DDAH1: variants seen among roughly 807,000 people sequenced by gnomAD.
The protein encoded by DDAH1 is N(G),N(G)-dimethylarginine dimethylaminohydrolase 1.
In DDAH1, 19 loss-of-function variants were observed where a neutral mutation model predicts 28.8. The observed-to-expected ratio is 0.66, with a 90% CI of 0.46 to 0.97. The LOEUF (loss-of-function observed/expected upper bound fraction) is 0.97, where lower values mean the gene tolerates loss of function less well. Ranked by LOEUF, DDAH1 falls within the 50% of genes least tolerant of loss-of-function variation. The pLI is 0.00. For synonymous variants in DDAH1, 153 were observed against 154.4 expected, an observed-to-expected ratio of 0.99 and a Z score of 0.07; for missense variants, 326 against 375.9, an observed-to-expected ratio of 0.87 and a Z score of 1.10.
intron 2 of DDAH1, among the ~76,000 whole-genome samples, chr1:85,492,533 T>C (rs1656443091): frequency 6.6e-6 from 1 of 152,184 alleles, no homozygotes; most frequent in Non-Finnish European, 1.5e-5. Flanking sequence ...GAGAACTAGA[T>C]CTCACTTCTC....
chr1:85,538,628 G>GA (rs3058936), intron 1 of DDAH1, among the ~76,000 whole-genome samples: 8 of 150,406 alleles, frequency 5.3e-5, no homozygotes, highest in East Asian at 2.0e-4. Context: ...GCAAGAGAGG[G>GA]AAAAAAAAAA....
intron 4 of DDAH1, among the ~76,000 whole-genome samples, chr1:85,338,698 A>C (rs938433645): frequency 2.0e-5 from 3 of 152,072 alleles, no homozygotes; most frequent in Non-Finnish European, 4.4e-5. Flanking sequence ...ACTGTGTGTG[A>C]TTCTTGGGTA....
chr1:85,508,438 C>T (rs769550624), intron 1 of DDAH1, among the ~76,000 whole-genome samples: 8 of 152,202 alleles, frequency 5.3e-5, no homozygotes, highest in Non-Finnish European at 8.8e-5. Flanking sequence ...TTTCCAACTG[C>T]AGTACCTGGT....
intron 1 of DDAH1, among the ~76,000 whole-genome samples, chr1:85,412,679 C>G (rs1182220507): frequency 6.6e-6 from 1 of 152,112 alleles, no homozygotes; most frequent in African/African-American, 2.4e-5. Context: ...GAGAACTGGT[C>G]TAAAGAACAG....
chr1:85,479,614 G>A (rs886947801), intron 2 of DDAH1, among the ~76,000 whole-genome samples: 1 of 152,230 alleles, frequency 6.6e-6, no homozygotes, highest in Non-Finnish European at 1.5e-5. Flanking sequence ...CAATCTGAAA[G>A]TAGAGTGGTT....
At position 85,373,613 on chromosome 1, in the gene DDAH1, A is replaced by G. The variant is rs1450306612; in HGVS notation, c.304-14766T>C. Among the ~76,000 whole-genome samples, 4 of 152,226 alleles carry G rather than the reference A, an allele frequency of 2.6e-5. No homozygotes were observed. In the East Asian group the frequency reaches 7.7e-4, roughly 29 times the overall value. On this transcript the variant is annotated intron_variant, in intron 1 of 5. Coordinates refer to ENST00000284031, the MANE Select transcript of DDAH1 (RefSeq NM_012137.4). ...CTCCTTAGCCTTCTGCCATGATTTC[A>G]AATTGCCTGAGACCTCCCCAGTCAT...
At chr1:85,547,143 T>C (rs1658649961) in intron 1 of DDAH1, among the ~76,000 whole-genome samples, 1 of 152,004 alleles carries the variant, frequency 6.6e-6, no homozygotes, top group African/African-American at 2.4e-5. Flanking sequence ...CTGGTAGGAG[T>C]ACTGGAACCA....
rs1024175781 is a variant in DDAH1, at chr1:85,320,424, G to C, written c.*1028C>G. Reference sequence around the variant, plus strand: ...TATTTTCAGACATGATGTCTCTTTTGAAAGAAATGACTTTGCTGGACTAGG... The same window carrying C: ...TATTTTCAGACATGATGTCTCTTTTCAAAGAAATGACTTTGCTGGACTAGG... On this transcript the variant is annotated 3_prime_UTR_variant, in exon 6 of 6. Coordinates refer to ENST00000284031, the MANE Select transcript of DDAH1 (RefSeq NM_012137.4). 6.6e-5 allele frequency: 10 copies of C among 152,218 alleles called. No homozygotes were observed. Among genetic ancestry groups the C allele is most frequent in the Non-Finnish European group, 1.3e-4 (9 of 67,990 alleles). The allele number at this position is 152,218 out of a possible 1,614,324, so 9.4% of individuals were successfully genotyped here.
chr1:85,385,118 C>G (rs895286222), intron 1 of DDAH1, among the ~76,000 whole-genome samples: 4 of 152,208 alleles, frequency 2.6e-5, no homozygotes, highest in Non-Finnish European at 5.9e-5. Flanking sequence ...ACTGCTGATT[C>G]TTTTCCTCTT....
Position 85,560,675 on chromosome 1 carries a change from T to C in DDAH1, c.-123+17309A>G, listed in dbSNP as rs574405951. 3.9e-5 allele frequency among the ~76,000 whole-genome samples: 6 copies of C among 152,160 alleles called. No homozygotes were observed. In the South Asian group the frequency reaches 1.2e-3, roughly 32 times the overall value. ...AAAAAAATAAGTAGCATTAGAATGA[T>C]TTTAACATTGGAAGTATATAGAAAA... On this transcript the variant is annotated intron_variant, in intron 1 of 6. Transcript: ENST00000426972.
intron 1 of DDAH1, among the ~76,000 whole-genome samples, chr1:85,418,915 C>G (rs1344991890): frequency 1.3e-5 from 2 of 152,142 alleles, no homozygotes; most frequent in Non-Finnish European, 2.9e-5. Context: ...AACTTGGCTC[C>G]CTCTATGCCC....
At chr1:85,469,531 G>C (rs558503739), upstream of DDAH1, among the ~76,000 whole-genome samples, 4 of 152,320 alleles carry the variant, frequency 2.6e-5, no homozygotes, top group African/African-American at 9.6e-5. Flanking sequence ...AAAGTAACTA[G>C]AGCCTAATAG....
intron 1 of DDAH1, among the ~76,000 whole-genome samples, chr1:85,548,424 A>C (rs1658690353): frequency 6.6e-6 from 1 of 152,210 alleles, no homozygotes; most frequent in Non-Finnish European, 1.5e-5. Context: ...ACCCAGCATT[A>C]GGTCACTTTT....
chr1:85,489,708 G>A lies in DDAH1; in HGVS notation c.-7+6458C>T, dbSNP rs575814740. On this transcript the variant is annotated intron_variant, in intron 2 of 6. Transcript: ENST00000426972. ...AAGGAAAGAGGAATGGTTAAAGGGA[G>A]AGGAGGCAAATCAAGGTAATGAGGT... 2.6e-5 allele frequency among the ~76,000 whole-genome samples: 4 copies of A among 152,146 alleles called. No individual in the cohort carries two copies. The East Asian group carries it at 7.7e-4, about 29-fold the overall frequency.
At chr1:85,431,642 G>C (rs533236465) in intron 1 of DDAH1, among the ~76,000 whole-genome samples, 5 of 151,398 alleles carry the variant, frequency 3.3e-5, no homozygotes, top group Admixed American at 2.6e-4. Context: ...GATAGTGTTA[G>C]AAACACTTCC....
chr1:85,530,607 G>A (rs1370071785), intron 1 of DDAH1, among the ~76,000 whole-genome samples: 2 of 151,724 alleles, frequency 1.3e-5, no homozygotes, highest in Admixed American at 6.6e-5. Flanking sequence ...TTCGTAAAGT[G>A]CATTCTAAGC....
intron 1 of DDAH1, among the ~76,000 whole-genome samples, chr1:85,361,546 A>G (rs1477578496): frequency 6.6e-6 from 1 of 152,210 alleles, no homozygotes; most frequent in Non-Finnish European, 1.5e-5. Context: ...AAAAAGGGAA[A>G]ATTAGAAAAA....
At chr1:85,408,438 C>T (rs1210693219) in intron 1 of DDAH1, among the ~76,000 whole-genome samples, 1 of 152,050 alleles carries the variant, frequency 6.6e-6, no homozygotes, top group East Asian at 1.9e-4. Flanking sequence ...TAAATGAACA[C>T]ATAAAGGTAT....
intron 1 of DDAH1, among the ~76,000 whole-genome samples, chr1:85,393,587 T>A (rs935057129): frequency 3.9e-5 from 6 of 152,238 alleles, no homozygotes; most frequent in Non-Finnish European, 7.3e-5. Flanking sequence ...AGGGCTTCTC[T>A]TTCTTTGCAC....
Sources: gnomAD v4.1 joint callset for allele counts (sites outside exome capture counted in the v4.1 genomes callset) on GRCh38, gnomAD v4.1.1 for gene constraint, MANE v1.5 for transcripts, NCBI Gene and HGNC (gene_info 2026-07-23, HGNC 2026-07-21) for gene names.